Variants in LYPD6 observed in about 807,000 individuals in gnomAD.
LYPD6 encodes the protein ly6/PLAUR domain-containing protein 6.
A neutral mutation model predicts 22.7 loss-of-function variants in LYPD6; 15 were observed. That is an observed-to-expected ratio of 0.66 (90% CI 0.44 to 1.02). The LOEUF is 1.02. LYPD6 is among the 50% of genes least tolerant of loss of function. The pLI is 0.00. For synonymous variants in LYPD6, 72 were observed against 77.5 expected, an observed-to-expected ratio of 0.93 and a Z score of 0.37; for missense variants, 189 against 208.4, an observed-to-expected ratio of 0.91 and a Z score of 0.57.
At chr2:149,364,098 C>T (rs1470060038) in intron 1 of LYPD6, among the ~76,000 whole-genome samples, 2 of 152,092 alleles carry the variant, frequency 1.3e-5, no homozygotes, top group Non-Finnish European at 2.9e-5. Flanking sequence ...ATGATTTCAG[C>T]AGCTTTTCAG....
At chr2:149,442,479 T>C (rs996081942) in intron 2 of LYPD6, among the ~76,000 whole-genome samples, 3 of 152,212 alleles carry the variant, frequency 2.0e-5, no homozygotes, top group Non-Finnish European at 4.4e-5. Flanking sequence ...CAAGGACTTA[T>C]GCCCTGAAAT....
At chr2:149,483,048 C>T in the LYPD6 span, among the ~76,000 whole-genome samples, 4 of 152,164 alleles carry the variant, frequency 2.6e-5, no homozygotes, top group Admixed American at 2.0e-4. Flanking sequence ...GATGAGAGCC[C>T]GGTGGAGGTT....
At chr2:149,369,215 A>G (rs1428565376) in intron 1 of LYPD6, among the ~76,000 whole-genome samples, 1 of 152,056 alleles carries the variant, frequency 6.6e-6, no homozygotes, top group South Asian at 2.1e-4. Context: ...GAGCCAACAC[A>G]AGCTAGCTCA....
At chr2:149,463,379 G>C (rs1373893232) in intron 3 of LYPD6, among the ~76,000 whole-genome samples, 2 of 152,064 alleles carry the variant, frequency 1.3e-5, no homozygotes, top group African/African-American at 4.8e-5. Flanking sequence ...TAAGAAAAAT[G>C]CCACATGCTA....
At chr2:149,448,337 C>A (rs1263904660) in intron 2 of LYPD6, among the ~76,000 whole-genome samples, 1 of 152,096 alleles carries the variant, frequency 6.6e-6, no homozygotes, top group African/African-American at 2.4e-5. Context: ...CATAATACCA[C>A]AACTAGTATA....
rs529642609 is a variant in LYPD6 at position 149,447,184 on chromosome 2, A to G, written c.119-1865A>G. Among the ~76,000 whole-genome samples the G allele has an allele frequency of 2.0e-5, 3 of 152,314 alleles. No individual in the cohort carries two copies. The East Asian group carries it at 5.8e-4, about 29-fold the overall frequency. ...AGAGCTAAGAAGCAATTAAATGCAC[A>G]TCAGTAGTAAGGACAAAGAACAGCT... On this transcript the variant is annotated intron_variant, in intron 2 of 4. Coordinates refer to ENST00000334166, the MANE Select transcript of LYPD6 (RefSeq NM_194317.5).
At position 149,437,853 on chromosome 2, in the gene LYPD6, AT is replaced by A; in HGVS notation, c.118+28del. The A allele has an allele frequency of 1.9e-6, 3 of 1,611,434 alleles. No homozygotes were observed. In the South Asian group the frequency reaches 3.3e-5, roughly 18 times the overall value. On this transcript the variant is annotated intron_variant, in intron 2 of 4. Coordinates refer to ENST00000334166, the MANE Select transcript of LYPD6 (RefSeq NM_194317.5). ...TAAGACTGTTCTCTTTGCTGCAGAAATATCACTTTATTTCAAATAAGAAGTG... is the reference window on the plus strand; with the variant it reads ...TAAGACTGTTCTCTTTGCTGCAGAAAATCACTTTATTTCAAATAAGAAGTG...
At chr2:149,454,165 T>G (rs962471747) in intron 3 of LYPD6, among the ~76,000 whole-genome samples, 1 of 152,224 alleles carries the variant, frequency 6.6e-6, no homozygotes, top group Non-Finnish European at 1.5e-5. Flanking sequence ...TTAAAAGTAA[T>G]TTTAAAGTTG....
chr2:149,390,872 CTTTTA>C (rs1314924404), intron 1 of LYPD6, among the ~76,000 whole-genome samples: 1 of 152,090 alleles, frequency 6.6e-6, no homozygotes, highest in East Asian at 1.9e-4. Flanking sequence ...ATAAAAACAA[CTTTTA>C]TTTATTGAGA....
At chr2:149,442,950 G>T (rs1360948004) in intron 2 of LYPD6, among the ~76,000 whole-genome samples, 1 of 152,108 alleles carries the variant, frequency 6.6e-6, no homozygotes. Context: ...GATTCTAAAA[G>T]AAAACTCACC....
intron 1 of LYPD6, among the ~76,000 whole-genome samples, chr2:149,406,521 T>A (rs1682712777): frequency 6.6e-6 from 1 of 152,204 alleles, no homozygotes; most frequent in Non-Finnish European, 1.5e-5. Flanking sequence ...CTTTGTTGGT[T>A]TAAAGTCTGT....
intron 1 of LYPD6, among the ~76,000 whole-genome samples, chr2:149,361,465 G>A (rs965734693): frequency 6.6e-6 from 1 of 152,112 alleles, no homozygotes; most frequent in Non-Finnish European, 1.5e-5. Context: ...TGCCAAAGAG[G>A]CATACTTTGG....
intron 1 of LYPD6, among the ~76,000 whole-genome samples, chr2:149,349,960 A>G (rs1387265621): frequency 6.6e-6 from 1 of 152,194 alleles, no homozygotes; most frequent in Non-Finnish European, 1.5e-5. Flanking sequence ...AAAAATATAT[A>G]TGCTATGTTA....
At chr2:149,451,924 C>G (rs549260589) in intron 3 of LYPD6, among the ~76,000 whole-genome samples, 156 of 152,244 alleles carry the variant, frequency 1.0e-3, no homozygotes, top group Non-Finnish European at 1.2e-3. Flanking sequence ...TCAAAATTAG[C>G]AGGACAAAGG....
At chr2:149,379,651 C>A (rs1682015948) in intron 1 of LYPD6, among the ~76,000 whole-genome samples, 1 of 152,206 alleles carries the variant, frequency 6.6e-6, no homozygotes, top group South Asian at 2.1e-4. Flanking sequence ...CTGAGCTCAG[C>A]TGTGTCTCAT....
intron 1 of LYPD6, among the ~76,000 whole-genome samples, chr2:149,340,623 T>G (rs1681142741): frequency 6.6e-6 from 1 of 152,182 alleles, no homozygotes; most frequent in Non-Finnish European, 1.5e-5. Flanking sequence ...AGCCAGTAGG[T>G]CACCCACTGG....
intron 1 of LYPD6, among the ~76,000 whole-genome samples, chr2:149,384,715 T>A (rs1211138260): frequency 2.0e-5 from 3 of 151,870 alleles, no homozygotes; most frequent in Non-Finnish European, 2.9e-5. Context: ...TGTTTTTAAA[T>A]TTTTTTTATT....
intron 1 of LYPD6, among the ~76,000 whole-genome samples, chr2:149,380,691 T>C (rs543722415): frequency 2.6e-4 from 40 of 152,274 alleles, no homozygotes; most frequent in African/African-American, 9.6e-4. Context: ...TACAGAAGTA[T>C]GCAACTCAAT....
chr2:149,381,186 GAAGAA>G (rs1343168707), intron 1 of LYPD6, among the ~76,000 whole-genome samples: 3 of 152,166 alleles, frequency 2.0e-5, no homozygotes, highest in Non-Finnish European at 2.9e-5. Context: ...AAAAGGAAGA[GAAGAA>G]TAGTCTGGTA....
Sources: gnomAD v4.1 joint callset for allele counts (sites outside exome capture counted in the v4.1 genomes callset) on GRCh38, gnomAD v4.1.1 for gene constraint, MANE v1.5 for transcripts, NCBI Gene and HGNC (gene_info 2026-07-23, HGNC 2026-07-21) for gene names.